The following CRISPLD2 variants were observed in gnomAD, a reference collection of about 807,000 sequenced individuals.
CRISPLD2 encodes the protein cysteine-rich secretory protein LCCL domain-containing 2.
In CRISPLD2, 47 loss-of-function variants were observed where a neutral mutation model predicts 71.1. That is an observed-to-expected ratio of 0.66 (90% CI 0.52 to 0.84). The LOEUF is 0.84. Among genes scored for constraint, CRISPLD2 ranks in the 40% least tolerant of loss-of-function variants. The pLI is 0.00. For synonymous variants in CRISPLD2, 317 were observed against 250.1 expected, an observed-to-expected ratio of 1.27 and a Z score of -2.52; for missense variants, 830 against 651.1, an observed-to-expected ratio of 1.27 and a Z score of -2.99.
chr16:84,847,060 A>G lies in CRISPLD2; in HGVS notation c.359+1156A>G, dbSNP rs149611994. 3.6e-3 allele frequency among the ~76,000 whole-genome samples: 554 copies of G among 152,352 alleles called. 2 individuals are homozygous for G. The highest frequency in any genetic ancestry group is 0.013 in the African/African-American group (532 of 41,576). On this transcript the variant is annotated intron_variant, in intron 3 of 14. Coordinates refer to ENST00000262424, the MANE Select transcript of CRISPLD2 (RefSeq NM_031476.4). ...GTGACCGTGCCATGCCCAAGGCCAGAATTCACGTCCTCAGACCCATCCAGG... is the reference window on the plus strand; with the variant it reads ...GTGACCGTGCCATGCCCAAGGCCAGGATTCACGTCCTCAGACCCATCCAGG...
intron 11 of CRISPLD2, among the ~76,000 whole-genome samples, chr16:84,876,827 C>T (rs1250123924): frequency 1.3e-5 from 2 of 152,148 alleles, no homozygotes; most frequent in Non-Finnish European, 2.9e-5. Flanking sequence ...TTTACTTAGC[C>T]CTGAACTAAA....
At chr16:84,840,004 GC>G (rs1157851380) in intron 2 of CRISPLD2, 39 of 142,740 alleles carry the variant, frequency 2.7e-4, no homozygotes, top group African/African-American at 9.3e-4. Flanking sequence ...GGGTGACAGA[GC>G]AAGACCCTGT....
At position 84,894,811 on chromosome 16, in the gene CRISPLD2, G is replaced by A. The variant is rs993054485; in HGVS notation, c.1439+5448G>A. On this transcript the variant is annotated intron_variant, in intron 14 of 14. Coordinates refer to ENST00000262424, the MANE Select transcript of CRISPLD2 (RefSeq NM_031476.4). The stretch of plus-strand genomic sequence containing the variant: ...CCCTTAGGCACATCTCCATTTGGAC[G>A]AGCCCATTTTGGGTCTCAGTGAGTA... Among the ~76,000 whole-genome samples, 5 of 152,006 alleles carry A rather than the reference G, an allele frequency of 3.3e-5. No individual in the cohort carries two copies. In the South Asian group the frequency reaches 6.2e-4, roughly 19 times the overall value.
chr16:84,861,704 A>G (rs1268761689), intron 6 of CRISPLD2, among the ~76,000 whole-genome samples: 3 of 152,310 alleles, frequency 2.0e-5, no homozygotes, highest in East Asian at 3.9e-4. Flanking sequence ...AGTATTAACC[A>G]TCACAGGCCA....
chr16:84,865,016 G>A (rs1196030825), intron 6 of CRISPLD2, among the ~76,000 whole-genome samples: 2 of 152,238 alleles, frequency 1.3e-5, no homozygotes, highest in Non-Finnish European at 2.9e-5. Context: ...GCGTCAGGGA[G>A]TCAGGCATTT....
At chr16:84,901,983 A>G (rs1005866167) in intron 14 of CRISPLD2, among the ~76,000 whole-genome samples, 2 of 150,782 alleles carry the variant, frequency 1.3e-5, no homozygotes, top group South Asian at 2.1e-4. Context: ...TATTTTTGGT[A>G]GCGATGGGGT....
At position 84,906,931 on chromosome 16, in the gene CRISPLD2, G is replaced by T; in HGVS notation, c.*289G>T. On this transcript the variant is annotated 3_prime_UTR_variant, in exon 15 of 15. Coordinates refer to ENST00000262424, the MANE Select transcript of CRISPLD2 (RefSeq NM_031476.4). ...AGAGATCTGAGCTGTCTCTTAAAGG[G>T]GACAGTTGCCCAAAATGTTCCTTGC... is the stretch of plus-strand genomic sequence containing the variant. 1 of 469,534 alleles carries T rather than the reference G, an allele frequency of 2.1e-6. No individual in the cohort carries two copies. Among genetic ancestry groups the T allele is most frequent in the Non-Finnish European group, 3.8e-6 (1 of 260,002 alleles). 29.1% of individuals were successfully genotyped at this position (469,534 alleles called of 1,614,324 possible).
chr16:84,882,444 C>G (rs932528217), intron 13 of CRISPLD2, among the ~76,000 whole-genome samples: 1 of 151,416 alleles, frequency 6.6e-6, no homozygotes, highest in Non-Finnish European at 1.5e-5. Flanking sequence ...GAGTTTCACT[C>G]CTGTTGCCCA....
At chr16:84,902,772 C>CTTTTTTTT (rs757030374) in intron 14 of CRISPLD2, among the ~76,000 whole-genome samples, 6 of 85,960 alleles carry the variant, frequency 7.0e-5, no homozygotes, top group African/African-American at 2.1e-4. Context: ...CGGCCCATTG[C>CTTTTTTTT]TTTTTTTTTT....
At chr16:84,842,777 G>A (rs761761486) in intron 2 of CRISPLD2, among the ~76,000 whole-genome samples, 1 of 152,158 alleles carries the variant, frequency 6.6e-6, no homozygotes, top group Non-Finnish European at 1.5e-5. Flanking sequence ...AGGGGCCATG[G>A]GAACGTTGAG....
Position 84,906,655 on chromosome 16 carries a change from A to G in CRISPLD2, c.*13A>G. ...TGTCAGGCAGTGAATTTCCAGCACC[A>G]GGGGAGAAGGGGCGTCTTCAGGAGG... On this transcript the variant is annotated 3_prime_UTR_variant, in exon 15 of 15. Coordinates refer to ENST00000262424, the MANE Select transcript of CRISPLD2 (RefSeq NM_031476.4). The G allele has an allele frequency of 6.2e-7, 1 of 1,614,088 alleles. No individual in the cohort carries two copies. The highest frequency in any genetic ancestry group is 8.5e-7 in the Non-Finnish European group (1 of 1,179,972).
Position 84,866,919 on chromosome 16 carries a change from T to G in CRISPLD2, c.732T>G (p.Pro244=), listed in dbSNP as rs1861884968. The part of the protein sequence containing the change: ...CYREETYTPK[P]ETDEMNEVET... ...AAGAAGAAACCTACACTCCAAAACCTGAAACGGACGAGATGAATGAGGTGG... is the reference window on the plus strand; with the variant it reads ...AAGAAGAAACCTACACTCCAAAACCGGAAACGGACGAGATGAATGAGGTGG... The change falls in exon 7 of 15, where the codon CCT becomes CCG. Residue 244 remains proline (P), a synonymous_variant. Coordinates refer to ENST00000262424, the MANE Select transcript of CRISPLD2 (RefSeq NM_031476.4). 1 of 1,614,014 alleles carries G rather than the reference T, an allele frequency of 6.2e-7. No individual in the cohort carries two copies. The highest frequency in any genetic ancestry group is 8.5e-7 in the Non-Finnish European group (1 of 1,180,010).
chr16:84,867,357 G>A (rs776621223), intron 7 of CRISPLD2, among the ~76,000 whole-genome samples: 6 of 152,156 alleles, frequency 3.9e-5, no homozygotes, highest in African/African-American at 4.8e-5. Context: ...TCTGGGAAGC[G>A]CTGGCCCTGC....
intron 11 of CRISPLD2, among the ~76,000 whole-genome samples, chr16:84,875,257 A>ATG (rs138882523): frequency 0.04 from 5,923 of 148,204 alleles, 124 homozygotes; most frequent in Non-Finnish European, 0.062. Context: ...ATATATACAT[A>ATG]TGTGTGTGTG....
At chr16:84,872,805 T>G (rs2071482831) in intron 9 of CRISPLD2, among the ~76,000 whole-genome samples, 187 bp from the exon 10 acceptor site, 2 of 152,062 alleles carry the variant, frequency 1.3e-5, no homozygotes, top group African/African-American at 4.8e-5. Flanking sequence ...TCAGATGAGT[T>G]TTTAAGGTAA....
intron 5 of CRISPLD2, among the ~76,000 whole-genome samples, chr16:84,852,257 G>A (rs1454589522): frequency 6.6e-6 from 1 of 152,212 alleles, no homozygotes; most frequent in East Asian, 1.9e-4. Context: ...GGGATTTGGG[G>A]AGACACATAA....
intron 6 of CRISPLD2, among the ~76,000 whole-genome samples, chr16:84,861,887 G>A (rs954262969): frequency 6.6e-6 from 1 of 152,276 alleles, no homozygotes; most frequent in East Asian, 1.9e-4. Flanking sequence ...CCATGATGGC[G>A]CCACTGCACT....
chr16:84,907,956 T>C lies in CRISPLD2; in HGVS notation c.*1314T>C, dbSNP rs1446684738. On this transcript the variant is annotated 3_prime_UTR_variant, in exon 15 of 15. Coordinates refer to ENST00000262424, the MANE Select transcript of CRISPLD2 (RefSeq NM_031476.4). Reference sequence around the variant, plus strand: ...TGAAGTACCCTTTTGTAAATAGCATTTTTTTGCAGAAGGTGAAAATTCCAC... The same window carrying C: ...TGAAGTACCCTTTTGTAAATAGCATCTTTTTGCAGAAGGTGAAAATTCCAC... The C allele has an allele frequency of 1.3e-5, 2 of 152,196 alleles. No individual in the cohort carries two copies. The highest frequency in any genetic ancestry group is 4.8e-5 in the African/African-American group (2 of 41,448). The allele number at this position is 152,196 out of a possible 1,614,324, so 9.4% of individuals were successfully genotyped here. A position where few individuals can be genotyped will look rare whatever the true frequency, so the allele number is the denominator to read the frequency against.
At chr16:84,829,882 G>A (rs574039196) in intron 1 of CRISPLD2, among the ~76,000 whole-genome samples, 2 of 152,332 alleles carry the variant, frequency 1.3e-5, no homozygotes, top group African/African-American at 4.8e-5. Context: ...CCACGCCTGC[G>A]GCAGCCCCTT....
Sources: allele counts gnomAD v4.1 joint callset (sites outside exome capture counted in the v4.1 genomes callset), GRCh38; gene constraint gnomAD v4.1.1; transcripts MANE v1.5; gene names NCBI Gene and HGNC (gene_info 2026-07-23, HGNC 2026-07-21).